Variants in NTNG1 observed in about 807,000 individuals in gnomAD.
NTNG1 encodes the protein netrin-G1.
Under a neutral mutation model 54.0 loss-of-function variants are expected in NTNG1, and 16 were observed. That is an observed-to-expected ratio of 0.30 (90% CI 0.20 to 0.45). The LOEUF (loss-of-function observed/expected upper bound fraction) is 0.45, where lower values mean the gene tolerates loss of function less well. NTNG1 is among the 20% of genes least tolerant of loss of function. The probability of loss-of-function intolerance (pLI) is 1.00; values close to 1 mark genes in which losing one functional copy is unlikely to be tolerated. For missense variants in NTNG1, 530 were observed against 678.7 expected, an observed-to-expected ratio of 0.78 and a Z score of 2.43; for synonymous variants, 255 against 263.1, an observed-to-expected ratio of 0.97 and a Z score of 0.30.
At chr1:107,153,037 A>G (rs769333189) in intron 2 of NTNG1, among the ~76,000 whole-genome samples, 2 of 152,198 alleles carry the variant, frequency 1.3e-5, no homozygotes, top group Non-Finnish European at 2.9e-5. Context: ...TGATCACTCC[A>G]TATTGTGCTA....
intron 6 of NTNG1, among the ~76,000 whole-genome samples, chr1:107,435,474 C>A (rs1461576567): frequency 2.0e-5 from 3 of 152,076 alleles, no homozygotes; most frequent in African/African-American, 7.2e-5. Context: ...CGAAACCTGA[C>A]TTAATTAGCA....
chr1:107,147,638 GGGTCTCTTT>G (rs887759310), intron 1 of NTNG1, among the ~76,000 whole-genome samples: 17 of 152,060 alleles, frequency 1.1e-4, no homozygotes, highest in African/African-American at 4.1e-4. Context: ...GAGATTTTTA[GGGTCTCTTT>G]GCCAAGAGAC....
intron 2 of NTNG1, among the ~76,000 whole-genome samples, chr1:107,291,898 C>A (rs560835602): frequency 6.6e-6 from 1 of 152,056 alleles, no homozygotes; most frequent in Non-Finnish European, 1.5e-5. Flanking sequence ...AGACATTTTG[C>A]AATGTATATG....
At chr1:107,436,537 C>T (rs375925867) in intron 6 of NTNG1, 128 bp from the exon 7 acceptor site, 5 of 690,864 alleles carry the variant, frequency 7.2e-6, no homozygotes, top group South Asian at 3.7e-5. Context: ...CCATATTTGC[C>T]GAAGCATTTC....
chr1:107,276,221 C>CT (rs989102901), intron 2 of NTNG1, among the ~76,000 whole-genome samples: 3 of 152,098 alleles, frequency 2.0e-5, no homozygotes, highest in Admixed American at 2.0e-4. Context: ...TGATTACAGT[C>CT]TTTTTTGTGT....
intron 3 of NTNG1, among the ~76,000 whole-genome samples, chr1:107,353,195 G>A (rs1036277315): frequency 1.3e-5 from 2 of 152,142 alleles, no homozygotes; most frequent in African/African-American, 2.4e-5. Flanking sequence ...AGGCTGCAAA[G>A]TTTCCATACT....
intron 3 of NTNG1, among the ~76,000 whole-genome samples, chr1:107,334,783 G>T (rs543907578): frequency 6.6e-6 from 1 of 151,922 alleles, no homozygotes; most frequent in African/African-American, 2.4e-5. Flanking sequence ...TAGGCCTGGC[G>T]CATATTAAAA....
At chr1:107,167,870 A>T (rs1655926054) in intron 2 of NTNG1, among the ~76,000 whole-genome samples, 1 of 152,000 alleles carries the variant, frequency 6.6e-6, no homozygotes. Flanking sequence ...CATTTGGAAA[A>T]CAAAACAAAA....
At position 107,477,740 on chromosome 1, in the gene NTNG1, T is replaced by C. The variant is rs1280337550; in HGVS notation, c.1391-2871T>C. Among the ~76,000 whole-genome samples the C allele has an allele frequency of 7.2e-5, 11 of 151,966 alleles. No homozygotes were observed. The East Asian group carries it at 1.9e-3, about 27-fold the overall frequency. On this transcript the variant is annotated intron_variant, in intron 7 of 7. Transcript: ENST00000370068. ...CGTTTTTTGTAGATTTTTTTTATAC[T>C]ATATCATAATATGTGTTTGTGTGTT...
intron 2 of NTNG1, among the ~76,000 whole-genome samples, chr1:107,255,173 T>C (rs1291255914): frequency 6.6e-6 from 1 of 152,198 alleles, no homozygotes; most frequent in African/African-American, 2.4e-5. Flanking sequence ...TTGCCTCATG[T>C]TTTAATCAGT....
intron 3 of NTNG1, among the ~76,000 whole-genome samples, chr1:107,368,417 T>A (rs1307042060): frequency 4.6e-5 from 7 of 152,200 alleles, no homozygotes; most frequent in Admixed American, 3.9e-4. Flanking sequence ...GCACTGTTGC[T>A]TTCCTCATTT....
chr1:107,234,323 A>G (rs533265197), intron 2 of NTNG1, among the ~76,000 whole-genome samples: 157 of 152,086 alleles, frequency 1.0e-3, no homozygotes, highest in African/African-American at 3.5e-3. Flanking sequence ...TGTTTCCCCC[A>G]TATTGGCCAA....
At chr1:107,149,300 T>C (rs1163809027) in intron 2 of NTNG1, among the ~76,000 whole-genome samples, 2 of 152,144 alleles carry the variant, frequency 1.3e-5, no homozygotes, top group African/African-American at 4.8e-5. Flanking sequence ...CTCATAATTA[T>C]GTTCATCAGG....
At chr1:107,308,638 G>A (rs1666825453) in intron 2 of NTNG1, among the ~76,000 whole-genome samples, 1 of 152,056 alleles carries the variant, frequency 6.6e-6, no homozygotes, top group South Asian at 2.1e-4. Flanking sequence ...TATTTAGGCT[G>A]TTCTTTTGGT....
chr1:107,405,590 A>C (rs1208729958), intron 4 of NTNG1, among the ~76,000 whole-genome samples: 1 of 152,162 alleles, frequency 6.6e-6, no homozygotes, highest in Non-Finnish European at 1.5e-5. Flanking sequence ...CAAATACTGC[A>C]TCAAACAGTC....
At chr1:107,414,109 TTC>T (rs1357235531) in intron 5 of NTNG1, among the ~76,000 whole-genome samples, 1 of 152,174 alleles carries the variant, frequency 6.6e-6, no homozygotes, top group African/African-American at 2.4e-5. Flanking sequence ...GTCTTTAGTT[TTC>T]TGTTTCAAGC....
chr1:107,263,321 CTTCT>C (rs1346860245), intron 2 of NTNG1, among the ~76,000 whole-genome samples: 9 of 143,600 alleles, frequency 6.3e-5, no homozygotes, highest in African/African-American at 2.3e-4. Flanking sequence ...TCCTTCCTTC[CTTCT>C]TTCCTTCCTT....
intron 3 of NTNG1, among the ~76,000 whole-genome samples, chr1:107,350,711 G>A (rs952299843): frequency 6.6e-6 from 1 of 152,152 alleles, no homozygotes; most frequent in African/African-American, 2.4e-5. Flanking sequence ...TGAGCCTGGA[G>A]AACATTATGC....
rs71579434 is a variant in NTNG1, at chr1:107,142,675, GAA to G, written c.-526+1547_-526+1548del. On this transcript the variant is annotated intron_variant, in intron 1 of 7. Transcript: ENST00000370068. ...AAAAGTTGTTTTATCTTACAGAAATGAAAAAAAAAAAAACCCAGGAAGATCTT... is the reference window on the plus strand; with the variant it reads ...AAAAGTTGTTTTATCTTACAGAAATGAAAAAAAAAAACCCAGGAAGATCTT... 6.9e-5 allele frequency among the ~76,000 whole-genome samples: 9 copies of G among 131,342 alleles called. No individual in the cohort carries two copies. The East Asian group carries it at 2.0e-3, about 29-fold the overall frequency. 86.2% of individuals were successfully genotyped at this position (131,342 alleles called of 152,430 possible).
Sources: allele counts gnomAD v4.1 joint callset (sites outside exome capture counted in the v4.1 genomes callset), GRCh38; gene constraint gnomAD v4.1.1; transcripts MANE v1.5; gene names NCBI Gene and HGNC (gene_info 2026-07-23, HGNC 2026-07-21).